Variants in CYYR1 observed in about 807,000 individuals in gnomAD.
The protein encoded by CYYR1 is cysteine and tyrosine rich 1, also known as cysteine and tyrosine-rich protein 1.
CYYR1 carries 14 observed loss-of-function variants against 15.2 expected under a neutral mutation model. The observed-to-expected ratio is 0.92, with a 90% CI of 0.61 to 1.44. The LOEUF is 1.44. CYYR1 is among the 40% of genes most tolerant of loss of function. CYYR1 has a pLI of 0.00. For synonymous variants in CYYR1, 80 were observed against 77.4 expected (o/e 1.03, Z -0.18); for missense variants, 228 against 209.5 (o/e 1.09, Z -0.54).
At chr21:26,514,392 A>G (rs1468189350) in intron 2 of CYYR1, among the ~76,000 whole-genome samples, 1 of 152,146 alleles carries the variant, frequency 6.6e-6, no homozygotes, top group African/African-American at 2.4e-5. Flanking sequence ...GTTGTCAAAA[A>G]GAGCCTCACA....
intron 2 of CYYR1, among the ~76,000 whole-genome samples, chr21:26,534,908 T>C (rs901029333): frequency 1.3e-5 from 2 of 152,194 alleles, no homozygotes; most frequent in Non-Finnish European, 2.9e-5. Context: ...CTTATGTAAT[T>C]AATTTTACTC....
chr21:26,504,261 T>C (rs1292571532), intron 2 of CYYR1, among the ~76,000 whole-genome samples: 1 of 147,940 alleles, frequency 6.8e-6, no homozygotes, highest in Non-Finnish European at 1.5e-5. Flanking sequence ...TGAATCAGAG[T>C]CTTGCCTTGT....
At chr21:26,569,695 G>C (rs927977813) in intron 1 of CYYR1, among the ~76,000 whole-genome samples, 1 of 152,208 alleles carries the variant, frequency 6.6e-6, no homozygotes, top group Non-Finnish European at 1.5e-5. Flanking sequence ...CAATGTGTAA[G>C]TAACGTCATG....
intron 2 of CYYR1, among the ~76,000 whole-genome samples, chr21:26,489,742 T>C (rs1175573011): frequency 6.6e-6 from 1 of 152,126 alleles, no homozygotes; most frequent in East Asian, 1.9e-4. Context: ...ATTTTAATGC[T>C]ATGTACATGA....
chr21:26,562,785 C>G (rs1342820579), intron 2 of CYYR1, among the ~76,000 whole-genome samples: 2 of 72,414 alleles, frequency 2.8e-5, no homozygotes, highest in East Asian at 7.6e-4. Context: ...CACACACACA[C>G]AGAGACATAC....
At chr21:26,488,545 GC>G (rs2123432440) in intron 2 of CYYR1, among the ~76,000 whole-genome samples, 1 of 152,188 alleles carries the variant, frequency 6.6e-6, no homozygotes, top group South Asian at 2.1e-4. Context: ...GAGCCACCAT[GC>G]CTGGCGAGTA....
Position 26,468,543 on chromosome 21 carries a change from C to T in CYYR1, c.426G>A (p.Gln142=). ...PYSPTPQGPA[Q]RSPPPPYPGN... ...CAGGATAAGGAGGGGGTGGAGAACG[C>T]TGTGCTGGACCCTGTGGGGTGGGGG... is the stretch of plus-strand genomic sequence containing the variant. Residue 142 remains glutamine, a synonymous_variant, in exon 4 of 4, where the codon CAG becomes CAA. Coordinates refer to ENST00000652641, the MANE Select transcript of CYYR1 (RefSeq NM_001320768.2). The T allele has an allele frequency of 6.2e-7, 1 of 1,612,288 alleles. No individual in the cohort carries two copies. Among genetic ancestry groups the T allele is most frequent in the Non-Finnish European group, 8.5e-7 (1 of 1,178,646 alleles).
At chr21:26,512,480 C>T (rs922892476) in intron 2 of CYYR1, among the ~76,000 whole-genome samples, 10 of 152,058 alleles carry the variant, frequency 6.6e-5, no homozygotes, top group African/African-American at 9.7e-5. Flanking sequence ...GGGATCACAG[C>T]GTGAGCCACC....
chr21:26,478,102 T>C, intron 3 of CYYR1: 4 of 1,549,564 alleles, frequency 2.6e-6, no homozygotes, highest in African/African-American at 1.4e-5. Context: ...TTGAACAAAA[T>C]AGACCAAGAT....
intron 2 of CYYR1, among the ~76,000 whole-genome samples, chr21:26,549,646 A>G (rs2123679902): frequency 6.6e-6 from 1 of 152,292 alleles, no homozygotes; most frequent in Non-Finnish European, 1.5e-5. Flanking sequence ...GATGCACTAC[A>G]GAAAAGTGTA....
At position 26,477,850 on chromosome 21, in the gene CYYR1, C is replaced by G. The variant is rs1030963680; in HGVS notation, c.334+2422G>C. 1.9e-5 allele frequency: 23 copies of G among 1,223,918 alleles called. No homozygotes were observed. In the East Asian group the frequency reaches 7.1e-4, roughly 38 times the overall value. The allele number at this position is 1,223,918 out of a possible 1,614,324, so 75.8% of individuals were successfully genotyped here. ...TAAATAATAATAAAAATAATTCCAT[C>G]TATTTTTTTCCTTATATTCCAACAT... is the stretch of plus-strand genomic sequence containing the variant. On this transcript the variant is annotated intron_variant, in intron 3 of 3. Coordinates refer to ENST00000652641, the MANE Select transcript of CYYR1 (RefSeq NM_001320768.2).
At chr21:26,485,222 C>T (rs986939038) in intron 2 of CYYR1, among the ~76,000 whole-genome samples, 4 of 151,908 alleles carry the variant, frequency 2.6e-5, no homozygotes, top group South Asian at 4.1e-4. Flanking sequence ...TATAAATTCA[C>T]GGGAAGTGTA....
intron 1 of CYYR1, among the ~76,000 whole-genome samples, chr21:26,570,784 C>T (rs1465631101): frequency 6.6e-6 from 1 of 152,178 alleles, no homozygotes; most frequent in Non-Finnish European, 1.5e-5. Flanking sequence ...TACTTCTAGC[C>T]ATACCTCTTA....
chr21:26,540,688 C>T (rs1364932265), intron 2 of CYYR1, among the ~76,000 whole-genome samples: 8 of 151,948 alleles, frequency 5.3e-5, no homozygotes, highest in Non-Finnish European at 1.2e-4. Flanking sequence ...AAATAAAAAT[C>T]AACATTCAGA....
chr21:26,484,570 C>T (rs1478096), intron 2 of CYYR1, among the ~76,000 whole-genome samples: 124,735 of 151,974 alleles, frequency 0.82, 51,999 homozygotes, highest in Non-Finnish European at 0.88. Context: ...GGAGATAATT[C>T]GAAGTGAGAA....
intron 2 of CYYR1, among the ~76,000 whole-genome samples, chr21:26,555,807 G>C (rs1330660118): frequency 6.6e-6 from 1 of 152,136 alleles, no homozygotes; most frequent in Non-Finnish European, 1.5e-5. Context: ...GTTCTGGGTT[G>C]CAGCTGCCCA....
At chr21:26,469,642 A>G (rs76879878) in intron 3 of CYYR1, among the ~76,000 whole-genome samples, 2,032 of 152,066 alleles carry the variant, frequency 0.013, 49 homozygotes, top group African/African-American at 0.047. Context: ...AACATTTAGT[A>G]TCCTCCTTCT....
intron 2 of CYYR1, chr21:26,551,878 G>A: frequency 5.1e-6 from 1 of 195,278 alleles, no homozygotes; most frequent in Non-Finnish European, 1.0e-5. Flanking sequence ...TCTACGGTGG[G>A]TCAAACGCTA....
chr21:26,543,623 T>C (rs1978730181), intron 2 of CYYR1, among the ~76,000 whole-genome samples: 1 of 152,158 alleles, frequency 6.6e-6, no homozygotes, highest in African/African-American at 2.4e-5. Context: ...TGGTCACATA[T>C]AGCTGGGCGT....
Sources: allele counts gnomAD v4.1 joint callset (sites outside exome capture counted in the v4.1 genomes callset), GRCh38; gene constraint gnomAD v4.1.1; transcripts MANE v1.5; gene names NCBI Gene and HGNC (gene_info 2026-07-23, HGNC 2026-07-21).